The following DCC variants were observed in gnomAD, a reference collection of about 807,000 sequenced individuals.
DCC encodes DCC netrin 1 receptor, also known as netrin receptor DCC.
Under a neutral mutation model 172.5 loss-of-function variants are expected in DCC, and 58 were observed. The observed-to-expected ratio is 0.34, with a 90% CI of 0.27 to 0.42. The LOEUF (loss-of-function observed/expected upper bound fraction) is 0.42. DCC is among the 10% of genes least tolerant of loss of function. The pLI is 1.00. For synonymous variants in DCC, 709 were observed against 644.5 expected (o/e 1.10, Z -1.52); for missense variants, 1,740 against 1,791.0 (o/e 0.97, Z 0.51).
intron 1 of DCC, among the ~76,000 whole-genome samples, chr18:52,647,887 G>A (rs537326250): frequency 3.9e-5 from 6 of 152,092 alleles, no homozygotes; most frequent in Admixed American, 6.5e-5. Flanking sequence ...GGGGGAACAC[G>A]GCAAACATGG....
At chr18:53,454,229 C>T (rs959653218) in intron 23 of DCC, among the ~76,000 whole-genome samples, 1 of 152,120 alleles carries the variant, frequency 6.6e-6, no homozygotes, top group African/African-American at 2.4e-5. Context: ...CCTGCAGTCC[C>T]AGATACTCAG....
At chr18:53,374,433 A>T (rs886868938) in intron 15 of DCC, among the ~76,000 whole-genome samples, 1 of 152,208 alleles carries the variant, frequency 6.6e-6, no homozygotes, top group Non-Finnish European at 1.5e-5. Flanking sequence ...GCATGAAACT[A>T]TGTATTATTT....
At chr18:52,999,881 TA>T (rs2041537702) in intron 5 of DCC, among the ~76,000 whole-genome samples, 1 of 152,052 alleles carries the variant, frequency 6.6e-6, no homozygotes, top group Non-Finnish European at 1.5e-5. Context: ...TTAGTTAAGA[TA>T]AGGTAATACT....
intron 2 of DCC, among the ~76,000 whole-genome samples, chr18:52,862,277 G>A (rs1340005826): frequency 1.3e-5 from 2 of 151,972 alleles, no homozygotes; most frequent in African/African-American, 2.4e-5. Context: ...AATTAAATAT[G>A]GAAGTTCGTC....
In DCC at chr18:53,054,000, G is replaced by A. The variant is rs1325216712; in HGVS notation, c.986-9305G>A. Reference sequence around the variant, plus strand: ...GAAGAAGAGTGGTCCCTCAGTATTTGTGGGGGATAGGATCTAGGTCTAGGA... The same window carrying A: ...GAAGAAGAGTGGTCCCTCAGTATTTATGGGGGATAGGATCTAGGTCTAGGA... On this transcript the variant is annotated intron_variant, in intron 5 of 28. Coordinates refer to ENST00000442544, the MANE Select transcript of DCC (RefSeq NM_005215.4). Among the ~76,000 whole-genome samples the A allele has an allele frequency of 2.0e-5, 3 of 152,052 alleles. No individual in the cohort carries two copies. In the East Asian group the frequency reaches 5.8e-4, roughly 29 times the overall value.
intron 5 of DCC, among the ~76,000 whole-genome samples, chr18:52,979,341 G>A (rs765516701): frequency 6.6e-6 from 1 of 152,118 alleles, no homozygotes; most frequent in South Asian, 2.1e-4. Context: ...ACAGCATTTA[G>A]GAGTCAGAAA....
intron 2 of DCC, among the ~76,000 whole-genome samples, chr18:52,759,504 AT>A (rs2037126482): frequency 6.6e-6 from 1 of 152,196 alleles, no homozygotes; most frequent in South Asian, 2.1e-4. Flanking sequence ...TTTAATCAGT[AT>A]CTTAAGAGCT....
At chr18:53,124,347 G>A (rs978223733) in intron 7 of DCC, among the ~76,000 whole-genome samples, 1 of 151,994 alleles carries the variant, frequency 6.6e-6, no homozygotes, top group African/African-American at 2.4e-5. Context: ...ATGAAAAACT[G>A]TATACATAAT....
chr18:52,982,281 C>T (rs1216939947), intron 5 of DCC, among the ~76,000 whole-genome samples: 1 of 152,096 alleles, frequency 6.6e-6, no homozygotes, highest in Admixed American at 6.6e-5. Context: ...AGGGTATAGA[C>T]AGAGTTGTTT....
chr18:52,803,931 G>A (rs1042623888), intron 2 of DCC, among the ~76,000 whole-genome samples: 1 of 152,150 alleles, frequency 6.6e-6, no homozygotes, highest in South Asian at 2.1e-4. Flanking sequence ...ATGTGATGAC[G>A]TTTTGCTGGG....
intron 28 of DCC, among the ~76,000 whole-genome samples, chr18:53,529,268 A>G (rs958431535): frequency 6.6e-6 from 1 of 151,848 alleles, no homozygotes. Flanking sequence ...CTTTGTGCCT[A>G]CCTCCCACCC....
At chr18:52,977,741 C>T (rs756106153) in intron 5 of DCC, among the ~76,000 whole-genome samples, 9 of 151,586 alleles carry the variant, frequency 5.9e-5, no homozygotes, top group Non-Finnish European at 1.2e-4. Flanking sequence ...AAAAATTAGC[C>T]GGACGTGGTG....
intron 1 of DCC, among the ~76,000 whole-genome samples, chr18:52,431,902 A>G (rs1291730710): frequency 6.6e-6 from 1 of 152,124 alleles, no homozygotes; most frequent in Non-Finnish European, 1.5e-5. Context: ...TCGCCTGATG[A>G]TCCCTTGGAG....
intron 1 of DCC, among the ~76,000 whole-genome samples, chr18:52,618,143 T>C (rs112055118): frequency 0.014 from 2,090 of 152,226 alleles, 56 homozygotes; most frequent in African/African-American, 0.048. Flanking sequence ...TGAGCAAATA[T>C]CATCACAGAC....
At chr18:52,362,939 C>A (rs1283979264) in intron 1 of DCC, among the ~76,000 whole-genome samples, 1 of 152,162 alleles carries the variant, frequency 6.6e-6, no homozygotes, top group Admixed American at 6.5e-5. Context: ...TGCTCTGTCA[C>A]CTGGGCTGGA....
chr18:52,731,989 T>A (rs1599056251), intron 1 of DCC, among the ~76,000 whole-genome samples: 1 of 152,212 alleles, frequency 6.6e-6, no homozygotes, highest in Non-Finnish European at 1.5e-5. Flanking sequence ...TACGGCTTTC[T>A]ATATGCATTG....
intron 1 of DCC, among the ~76,000 whole-genome samples, chr18:52,467,256 C>G (rs1988813654): frequency 6.6e-6 from 1 of 151,832 alleles, no homozygotes; most frequent in Non-Finnish European, 1.5e-5. Context: ...TCCATGTGTT[C>G]TCATTGTTCA....
At chr18:52,514,747 C>G (rs995745462) in intron 1 of DCC, among the ~76,000 whole-genome samples, 1 of 152,158 alleles carries the variant, frequency 6.6e-6, no homozygotes, top group Non-Finnish European at 1.5e-5. Flanking sequence ...CATTACCATT[C>G]AAATGGGAAA....
At chr18:53,157,938 T>G (rs2054769995) in intron 8 of DCC, among the ~76,000 whole-genome samples, 1 of 152,146 alleles carries the variant, frequency 6.6e-6, no homozygotes, top group African/African-American at 2.4e-5. Context: ...AAGGAGAAAT[T>G]AATAATACCT....
Sources: allele counts gnomAD v4.1 joint callset (sites outside exome capture counted in the v4.1 genomes callset), GRCh38; gene constraint gnomAD v4.1.1; transcripts MANE v1.5; gene names NCBI Gene and HGNC (gene_info 2026-07-23, HGNC 2026-07-21).